RGS7: variants seen among roughly 807,000 people sequenced by gnomAD.
The protein encoded by RGS7 is regulator of G-protein signaling 7.
In RGS7, 27 loss-of-function variants were observed where a neutral mutation model predicts 81.1. The observed-to-expected ratio is 0.33, with a 90% CI of 0.25 to 0.46. RGS7 has a LOEUF of 0.46. Among genes scored for constraint, RGS7 ranks in the 20% least tolerant of loss-of-function variants. The pLI is 1.00. For missense variants in RGS7, 396 were observed against 607.4 expected (o/e 0.65, Z 3.66); for synonymous variants, 208 against 207.7 (o/e 1.00, Z -0.01).
intron 6 of RGS7, among the ~76,000 whole-genome samples, chr1:240,903,144 G>A (rs1488460519): frequency 6.6e-6 from 1 of 152,098 alleles, no homozygotes. Flanking sequence ...CAACAACATG[G>A]GTTATGCCAC....
chr1:240,904,878 T>C (rs1324483010), intron 6 of RGS7, among the ~76,000 whole-genome samples: 6 of 152,202 alleles, frequency 3.9e-5, no homozygotes, highest in Non-Finnish European at 8.8e-5. Context: ...CATGGTATTT[T>C]CAATGCTCCA....
At chr1:240,902,223 T>C (rs965318957) in intron 6 of RGS7, among the ~76,000 whole-genome samples, 6 of 152,238 alleles carry the variant, frequency 3.9e-5, no homozygotes, top group Non-Finnish European at 7.3e-5. Flanking sequence ...TATGTTTTTG[T>C]AAACAATTGG....
chr1:240,775,949 A>G lies in RGS7; in HGVS notation c.*271T>C. The G allele has an allele frequency of 1.7e-6, 1 of 580,156 alleles. No homozygotes were observed. Among genetic ancestry groups the G allele is most frequent in the Non-Finnish European group, 3.1e-6 (1 of 317,580 alleles). 35.9% of individuals were successfully genotyped at this position (580,156 alleles called of 1,614,324 possible). A position where few individuals can be genotyped will look rare whatever the true frequency, so the allele number is the denominator to read the frequency against. ...AAAAAGGAAGAGACACAGATCCAGC[A>G]TAGTAGAAGGAGAAAGAAAGCAGAC... On this transcript the variant is annotated 3_prime_UTR_variant, in exon 19 of 19. Transcript: ENST00000440928.
rs1688777870 is a variant in RGS7, at chr1:240,806,014, A to AT, written c.1269+125dup. 1.3e-5 allele frequency: 11 copies of AT among 845,750 alleles called. No homozygotes were observed. The South Asian group carries it at 1.5e-4, about 12-fold the overall frequency. The allele number at this position is 845,750 out of a possible 1,614,324, so 52.4% of individuals were successfully genotyped here. A position where few individuals can be genotyped will look rare whatever the true frequency, so the allele number is the denominator to read the frequency against. On this transcript the variant is annotated intron_variant, in intron 15 of 18. Transcript: ENST00000440928. ...GTTCCTTCCTAGATCAGTTAGAGTT[A>AT]TTTTACAGTTATCTAAATTGAAAAT... is the stretch of plus-strand genomic sequence containing the variant.
chr1:240,842,199 A>ATTTTTTTTTTTTTTT lies in RGS7; in HGVS notation c.610-15042_610-15028dup, dbSNP rs568381066. On this transcript the variant is annotated intron_variant, in intron 9 of 18. Coordinates refer to ENST00000440928, the MANE Select transcript of RGS7 (RefSeq NM_001364886.1). ...TGATTTCAGATTATGTTTGTCAGGAATTTTTTTTTTTTTTTTTGAGACAGA... is the reference window on the plus strand; with the variant it reads ...TGATTTCAGATTATGTTTGTCAGGAATTTTTTTTTTTTTTTTTTTTTTTTTTTTTTTTGAGACAGA... 9.1e-3 allele frequency among the ~76,000 whole-genome samples: 712 copies of ATTTTTTTTTTTTTTT among 78,606 alleles called. 159 individuals are homozygous for ATTTTTTTTTTTTTTT. Among genetic ancestry groups the ATTTTTTTTTTTTTTT allele is most frequent in the African/African-American group, 0.031 (667 of 21,258 alleles). The allele number at this position is 78,606 out of a possible 152,430, so 51.6% of individuals were successfully genotyped here. A position where few individuals can be genotyped will look rare whatever the true frequency, so the allele number is the denominator to read the frequency against.
chr1:240,893,501 A>G (rs1045825154), intron 6 of RGS7, among the ~76,000 whole-genome samples: 1 of 152,048 alleles, frequency 6.6e-6, no homozygotes, highest in Admixed American at 6.6e-5. Context: ...ATTTAACCAC[A>G]TTTCTCTGAA....
intron 6 of RGS7, among the ~76,000 whole-genome samples, chr1:240,904,885 T>A (rs1417421518): frequency 6.6e-6 from 1 of 152,210 alleles, no homozygotes; most frequent in South Asian, 2.1e-4. Context: ...TTTTCAATGC[T>A]CCATGCATGG....
intron 6 of RGS7, among the ~76,000 whole-genome samples, chr1:240,917,387 T>A (rs972218212): frequency 1.3e-5 from 2 of 152,068 alleles, no homozygotes; most frequent in South Asian, 4.1e-4. Flanking sequence ...ATCTGATGGA[T>A]AAAAAAGTGT....
At chr1:241,174,408 C>G (rs755840008) in intron 2 of RGS7, among the ~76,000 whole-genome samples, 6 of 152,186 alleles carry the variant, frequency 3.9e-5, no homozygotes, top group Admixed American at 1.3e-4. Context: ...CTTCTGTTCC[C>G]AATACCAAGT....
intron 3 of RGS7, among the ~76,000 whole-genome samples, chr1:241,050,368 G>A (rs2061182504): frequency 6.6e-6 from 1 of 152,116 alleles, no homozygotes; most frequent in Admixed American, 6.6e-5. Context: ...GGTGGAAAGG[G>A]AAACAGGAGT....
chr1:240,869,711 G>A (rs979338857), intron 7 of RGS7, among the ~76,000 whole-genome samples: 8 of 151,866 alleles, frequency 5.3e-5, no homozygotes, highest in Admixed American at 2.0e-4. Context: ...AGGCTGAGGC[G>A]GGTAGATCAC....
At chr1:241,127,166 C>T (rs1362587576) in intron 2 of RGS7, among the ~76,000 whole-genome samples, 2 of 152,096 alleles carry the variant, frequency 1.3e-5, no homozygotes, top group Non-Finnish European at 1.5e-5. Flanking sequence ...AAAGCCTTAC[C>T]TGAGGAGGTA....
intron 2 of RGS7, among the ~76,000 whole-genome samples, chr1:241,139,060 A>G (rs1490780414): frequency 1.3e-5 from 2 of 151,966 alleles, no homozygotes; most frequent in Non-Finnish European, 2.9e-5. Flanking sequence ...ACCACACAAT[A>G]TGTGTCTGGT....
At chr1:240,935,643 A>G (rs1010074952) in intron 5 of RGS7, among the ~76,000 whole-genome samples, 1 of 152,196 alleles carries the variant, frequency 6.6e-6, no homozygotes, top group African/African-American at 2.4e-5. Flanking sequence ...CTTTAAAATG[A>G]TTTTTTAAAG....
intron 2 of RGS7, among the ~76,000 whole-genome samples, chr1:241,259,154 G>A (rs548279051): frequency 2.0e-5 from 3 of 152,034 alleles, no homozygotes; most frequent in East Asian, 3.9e-4. Flanking sequence ...CCAAAAAATT[G>A]ACAAGCACAT....
chr1:240,810,424 C>A (rs532681545), intron 14 of RGS7, among the ~76,000 whole-genome samples: 1 of 150,048 alleles, frequency 6.7e-6, no homozygotes, highest in Admixed American at 6.7e-5. Context: ...TCCTTTATCT[C>A]TGCTTTATTT....
intron 3 of RGS7, among the ~76,000 whole-genome samples, chr1:241,071,261 T>G (rs1320932844): frequency 6.6e-6 from 1 of 151,832 alleles, no homozygotes; most frequent in African/African-American, 2.4e-5. Flanking sequence ...TCATGGAAAA[T>G]AAAAAGAAAA....
intron 2 of RGS7, among the ~76,000 whole-genome samples, chr1:241,132,889 A>G (rs2067219728): frequency 6.6e-6 from 1 of 152,020 alleles, no homozygotes; most frequent in Non-Finnish European, 1.5e-5. Flanking sequence ...CAGCCTCCCA[A>G]GTAGCTGGGA....
chr1:241,265,945 C>A (rs182245952), intron 2 of RGS7, among the ~76,000 whole-genome samples: 2 of 152,156 alleles, frequency 1.3e-5, no homozygotes, highest in South Asian at 2.1e-4. Context: ...CAGGCATATA[C>A]CACCATGCCC....
Sources: gnomAD v4.1 joint callset for allele counts (sites outside exome capture counted in the v4.1 genomes callset) on GRCh38, gnomAD v4.1.1 for gene constraint, MANE v1.5 for transcripts, NCBI Gene and HGNC (gene_info 2026-07-23, HGNC 2026-07-21) for gene names.